Variants in TEX9 observed in about 807,000 individuals in gnomAD.
TEX9 encodes testis expressed 9, also known as testis-expressed protein 9.
TEX9 carries 74 observed loss-of-function variants against 59.6 expected under a neutral mutation model. The observed-to-expected ratio is 1.24, with a 90% confidence interval of 1.03 to 1.51. The LOEUF is 1.51. Ranked by LOEUF, TEX9 falls within the 40% of genes most tolerant of loss-of-function variation. The pLI, the probability that TEX9 is intolerant of heterozygous loss-of-function variation, is 0.00. For missense variants in TEX9, 522 were observed against 447.8 expected (o/e 1.17, Z -1.49); for synonymous variants, 186 against 152.2 (o/e 1.22, Z -1.64).
In TEX9 at chr15:56,266,761, A is replaced by G. The variant is rs555728532; in HGVS notation, c.-107+22483A>G. Among the ~76,000 whole-genome samples the G allele has an allele frequency of 1.5e-3, 236 of 152,264 alleles. 1 individual carries two copies. The highest frequency in any genetic ancestry group is 3.1e-4 in the Non-Finnish European group (21 of 68,032). On this transcript the variant is annotated intron_variant, in intron 1 of 5. Transcript: ENST00000560827. Reference sequence around the variant, plus strand: ...TTTGGGTTGGTTCCAAGTCTTTGCTATTGTGAATAGTGCTGCAATAAACAT... The same window carrying G: ...TTTGGGTTGGTTCCAAGTCTTTGCTGTTGTGAATAGTGCTGCAATAAACAT...
intron 1 of TEX9, among the ~76,000 whole-genome samples, chr15:56,262,774 A>G (rs1382869502): frequency 2.0e-5 from 3 of 152,136 alleles, no homozygotes; most frequent in Non-Finnish European, 4.4e-5. Flanking sequence ...ATATTACTTG[A>G]TACTAGGTTA....
intron 1 of TEX9, among the ~76,000 whole-genome samples, chr15:56,275,364 T>C (rs2044643763): frequency 6.6e-6 from 1 of 152,204 alleles, no homozygotes; most frequent in Non-Finnish European, 1.5e-5. Flanking sequence ...TACCATTTTC[T>C]AAGGCTCATC....
At chr15:56,285,320 G>A (rs2044927508) in intron 1 of TEX9, among the ~76,000 whole-genome samples, 1 of 152,162 alleles carries the variant, frequency 6.6e-6, no homozygotes, top group African/African-American at 2.4e-5. Flanking sequence ...GTCTCCTGGT[G>A]TTGCGGGAAA....
At chr15:56,370,144 T>G (rs779603392) in intron 2 of TEX9, among the ~76,000 whole-genome samples, 1 of 152,178 alleles carries the variant, frequency 6.6e-6, no homozygotes, top group Non-Finnish European at 1.5e-5. Flanking sequence ...TATTTTCTAT[T>G]ATGTCTTGTC....
chr15:56,319,279 A>G (rs542185111), intron 1 of TEX9, among the ~76,000 whole-genome samples: 3 of 151,860 alleles, frequency 2.0e-5, no homozygotes, highest in Admixed American at 1.3e-4. Context: ...CTAAGACTGT[A>G]TTACTAAGTG....
At chr15:56,258,955 CAT>C (rs59918564) in intron 1 of TEX9, among the ~76,000 whole-genome samples, 11 of 149,826 alleles carry the variant, frequency 7.3e-5, no homozygotes, top group South Asian at 6.3e-4. Flanking sequence ...ATATATAATA[CAT>C]ATATATATGC....
At chr15:56,326,010 A>G (rs2682015) in intron 1 of TEX9, among the ~76,000 whole-genome samples, 74,750 of 151,658 alleles carry the variant, frequency 0.49, 19,828 homozygotes, top group Non-Finnish European at 0.6. Context: ...GAAAGCACAA[A>G]TGGTTCTTTG....
intron 1 of TEX9, among the ~76,000 whole-genome samples, chr15:56,356,854 G>T (rs972958086): frequency 6.6e-6 from 1 of 152,066 alleles, no homozygotes; most frequent in African/African-American, 2.4e-5. Flanking sequence ...GCATCACATG[G>T]TGGTGGTGGT....
chr15:56,458,606 A>G, the TEX9 span, among the ~76,000 whole-genome samples: 27 of 152,272 alleles, frequency 1.8e-4, no homozygotes, highest in African/African-American at 5.8e-4. Flanking sequence ...TGATCTGTCT[A>G]TTCAACCCTT....
chr15:56,431,900 C>CAT lies in TEX9; in HGVS notation c.*29+3441_*29+3442dup, dbSNP rs550793978. Among the ~76,000 whole-genome samples, 774 of 150,202 alleles carry CAT rather than the reference C, an allele frequency of 5.2e-3. 5 individuals are homozygous for CAT. The highest frequency in any genetic ancestry group is 0.015 in the African/African-American group (604 of 41,084). ...ATCAGAAATATCTAAAGGATATTTT[C>CAT]ATATATATATATATAAAGATGATAT... On this transcript the variant is annotated intron_variant, in intron 12 of 12. Coordinates refer to ENST00000352903, the Ensembl canonical transcript of TEX9.
At chr15:56,254,428 A>G (rs1261642099) in intron 1 of TEX9, among the ~76,000 whole-genome samples, 3 of 151,734 alleles carry the variant, frequency 2.0e-5, no homozygotes, top group African/African-American at 7.3e-5. Context: ...GTAATTGTCC[A>G]CAGATTAAGT....
chr15:56,431,864 G>A (rs981247425), intron 12 of TEX9, among the ~76,000 whole-genome samples: 4 of 151,560 alleles, frequency 2.6e-5, no homozygotes, highest in African/African-American at 7.3e-5. Flanking sequence ...AAAAAATAGT[G>A]AATAAAGAAG....
chr15:56,377,390 G>A (rs2047509709), intron 3 of TEX9, among the ~76,000 whole-genome samples: 1 of 152,040 alleles, frequency 6.6e-6, no homozygotes, highest in African/African-American at 2.4e-5. Flanking sequence ...CCATGAACTG[G>A]AATATCTTTC....
intron 1 of TEX9, among the ~76,000 whole-genome samples, chr15:56,281,286 C>T (rs1233437304): frequency 2.0e-5 from 3 of 152,220 alleles, no homozygotes; most frequent in African/African-American, 7.2e-5. Flanking sequence ...TAGTTTAAGT[C>T]AGGGGTCCCT....
At chr15:56,369,356 A>ATT (rs34693580) in intron 2 of TEX9, among the ~76,000 whole-genome samples, 70 of 142,652 alleles carry the variant, frequency 4.9e-4, no homozygotes, top group Middle Eastern at 3.7e-3. Flanking sequence ...TGCCATGCTA[A>ATT]TTTTTTTTTT....
intron 1 of TEX9, among the ~76,000 whole-genome samples, chr15:56,336,473 G>A (rs111900802): frequency 3.9e-5 from 6 of 151,978 alleles, no homozygotes; most frequent in Admixed American, 2.0e-4. Context: ...TCTGCAATCC[G>A]GAAGAGGGCC....
At chr15:56,284,616 A>T (rs2044900595) in intron 1 of TEX9, among the ~76,000 whole-genome samples, 1 of 152,200 alleles carries the variant, frequency 6.6e-6, no homozygotes, top group African/African-American at 2.4e-5. Context: ...AGTCTTGCAG[A>T]GAAATCAAAC....
chr15:56,337,863 GTTT>G (rs1420895839), intron 1 of TEX9, among the ~76,000 whole-genome samples: 1 of 152,160 alleles, frequency 6.6e-6, no homozygotes, highest in East Asian at 1.9e-4. Flanking sequence ...AGGAGTCTGT[GTTT>G]CCCAAGTGGC....
At chr15:56,254,111 A>G (rs1334870287) in intron 1 of TEX9, among the ~76,000 whole-genome samples, 1 of 152,180 alleles carries the variant, frequency 6.6e-6, no homozygotes, top group Non-Finnish European at 1.5e-5. Flanking sequence ...ACCAAATCTT[A>G]TGAAATGACA....
Sources: allele counts gnomAD v4.1 joint callset (sites outside exome capture counted in the v4.1 genomes callset), GRCh38; gene constraint gnomAD v4.1.1; transcripts MANE v1.5; gene names NCBI Gene and HGNC (gene_info 2026-07-23, HGNC 2026-07-21).